Variants in ZFYVE16 observed in about 807,000 individuals in gnomAD.
ZFYVE16 encodes the protein zinc finger FYVE-type containing 16.
A neutral mutation model predicts 138.1 loss-of-function variants in ZFYVE16; 89 were observed. The observed-to-expected ratio is 0.64, with a 90% CI of 0.54 to 0.77. The LOEUF (loss-of-function observed/expected upper bound fraction) is 0.77, where lower values mean the gene tolerates loss of function less well. ZFYVE16 is among the 30% of genes least tolerant of loss of function. The pLI is 0.00. For synonymous variants in ZFYVE16, 596 were observed against 618.3 expected (o/e 0.96, Z 0.53); for missense variants, 1,793 against 1,786.7 (o/e 1.00, Z -0.06).
At chr5:80,431,398 C>A (rs1164083675) in intron 2 of ZFYVE16, among the ~76,000 whole-genome samples, 1 of 152,144 alleles carries the variant, frequency 6.6e-6, no homozygotes, top group Non-Finnish European at 1.5e-5. Flanking sequence ...GCCCTTCATG[C>A]CAAAACCTCT....
chr5:80,443,220 A>C lies in ZFYVE16; in HGVS notation c.2517A>C (p.Gln839His), dbSNP rs767819339. ...CTGTCCAGCCTCCTCAGGAGAACCAAACATCCAGTATACCTTCACCAGCAA... is the reference window on the plus strand; with the variant it reads ...CTGTCCAGCCTCCTCAGGAGAACCACACATCCAGTATACCTTCACCAGCAA... ...CTTVQPPQEN[Q>H]TSSIPSPATL... The change falls in exon 6 of 19, where the codon CAA (glutamine) becomes CAC (histidine). Residue 839 changes from glutamine to histidine, a missense_variant. Physicochemically the swap from Gln to His is conservative, Grantham distance 24. This residue lies in a region of ZFYVE16 where 1,295 missense variants were observed against 1,204.3 expected (regional missense o/e 1.08). Transcript: ENST00000505560. 6.2e-7 allele frequency: 1 copy of C among 1,611,374 alleles called. No individual in the cohort carries two copies. Among genetic ancestry groups the C allele is most frequent in the Non-Finnish European group, 8.5e-7 (1 of 1,179,364 alleles).
upstream of ZFYVE16, among the ~76,000 whole-genome samples, chr5:80,407,744 G>A (rs1407546468): frequency 6.6e-6 from 1 of 152,194 alleles, no homozygotes; most frequent in African/African-American, 2.4e-5. Flanking sequence ...GCTGCCTCTA[G>A]GTTAGCGAAG....
At chr5:80,433,456 A>AGG (rs1352134773) in intron 2 of ZFYVE16, among the ~76,000 whole-genome samples, 1 of 152,164 alleles carries the variant, frequency 6.6e-6, no homozygotes, top group Non-Finnish European at 1.5e-5. Flanking sequence ...GAGATGTGGG[A>AGG]GGGATAGCAT....
At chr5:80,473,937 C>A in intron 17 of ZFYVE16, 78 bp downstream of exon 17, 1 of 1,042,222 alleles carries the variant, frequency 9.6e-7, no homozygotes, top group Non-Finnish European at 1.4e-6. Flanking sequence ...CATACTCAAC[C>A]TCTAAATATT....
intron 5 of ZFYVE16, chr5:80,440,424 A>C (rs1750538338): frequency 2.0e-6 from 2 of 986,672 alleles, no homozygotes; most frequent in Non-Finnish European, 2.4e-6. Context: ...GGGCAAGATA[A>C]TAGTTCACAC....
intron 1 of ZFYVE16, among the ~76,000 whole-genome samples, chr5:80,413,843 A>G (rs1745821106): frequency 6.6e-6 from 1 of 152,134 alleles, no homozygotes; most frequent in African/African-American, 2.4e-5. Flanking sequence ...TCCCCTCCCC[A>G]TTCCCATCCT....
intron 1 of ZFYVE16, among the ~76,000 whole-genome samples, chr5:80,411,011 G>C (rs528601489): frequency 4.2e-4 from 64 of 151,658 alleles, no homozygotes; most frequent in Non-Finnish European, 7.9e-4. Flanking sequence ...TGTGTCGCCA[G>C]GCTGGAGTGC....
At chr5:80,440,382 A>T (rs556704328) in intron 5 of ZFYVE16, 1 of 997,926 alleles carries the variant, frequency 1.0e-6, no homozygotes, top group Non-Finnish European at 1.2e-6. Context: ...ACCTACCAAT[A>T]GTAGTACTCA....
intron 7 of ZFYVE16, 80 bp downstream of exon 7, chr5:80,445,485 C>CT (rs34312342): frequency 0.033 from 32,913 of 988,118 alleles, 180 homozygotes; most frequent in African/African-American, 0.063. Context: ...TATTAGAGTG[C>CT]TTTTTTTTTT....
rs769541600 is a variant in ZFYVE16, at chr5:80,456,533, T to C, written c.3763T>C (p.Cys1255Arg). ...GATTCATATGGAAATGGGAAAAAGC[T>C]GCATAAAAATACCACGGAAAAAGTA... ...LLIHMEMGKS[C>R]IKIPRKKYSD... is the part of the protein sequence containing the mutation. The change falls in exon 13 of 19, where the codon TGC becomes CGC. Residue 1255 changes from cysteine to arginine, a missense_variant. Cys to Arg is a radical substitution (Grantham distance 180, BLOSUM62 -3). This residue lies in a region of ZFYVE16 where 498 missense variants were observed against 582.4 expected (regional missense o/e 0.86). Coordinates refer to ENST00000505560, the MANE Select transcript of ZFYVE16 (RefSeq NM_001284236.3). 3 of 1,612,876 alleles carry C rather than the reference T, an allele frequency of 1.9e-6. No homozygotes were observed. In the South Asian group the frequency reaches 3.3e-5, roughly 18 times the overall value.
chr5:80,423,103 A>G (rs1433793868), intron 1 of ZFYVE16, among the ~76,000 whole-genome samples: 1 of 151,792 alleles, frequency 6.6e-6, no homozygotes, highest in Non-Finnish European at 1.5e-5. Flanking sequence ...AATTGGTATT[A>G]TTTTTTCTTT....
chr5:80,438,574 T>C lies in ZFYVE16; in HGVS notation c.1889T>C (p.Ile630Thr). 1 of 1,614,116 alleles carries C rather than the reference T, an allele frequency of 6.2e-7. No homozygotes were observed. The highest frequency in any genetic ancestry group is 1.3e-5 in the African/African-American group (1 of 75,046). The change falls in exon 4 of 19, where the codon ATT (isoleucine) becomes ACT (threonine). Residue 630 changes from isoleucine to threonine, a missense_variant. By Grantham distance (89) the Ile-to-Thr change is moderately conservative (BLOSUM62 -1). Around this residue, in one of 2 missense-constraint regions of ZFYVE16, gnomAD observed 1,295 missense variants for 1,204.3 expected, o/e 1.08. Transcript: ENST00000505560. ...GGGTTACCTACCAGTAAGTCTGAGATTACAAATCAATTATCGGTCTCTGAT... is the reference window on the plus strand; with the variant it reads ...GGGTTACCTACCAGTAAGTCTGAGACTACAAATCAATTATCGGTCTCTGAT... ...QQGLPTSKSEITNQLSVSDIN... is the reference protein window; with the variant it reads ...QQGLPTSKSETTNQLSVSDIN...
chr5:80,437,339 C>T lies in ZFYVE16; in HGVS notation c.654C>T (p.Ser218=). ...GIKVDTTLSD[S]YNYSGTENLK... ...AAGTAGATACAACACTTTCAGATTCCTATAATTACAGTGGAACAGAAAATT... is the reference window on the plus strand; with the variant it reads ...AAGTAGATACAACACTTTCAGATTCTTATAATTACAGTGGAACAGAAAATT... Residue 218 remains serine, a synonymous_variant, in exon 4 of 19, where the codon TCC becomes TCT. Transcript: ENST00000505560. 4 of 1,601,318 alleles carry T rather than the reference C, an allele frequency of 2.5e-6. No individual in the cohort carries two copies. Among genetic ancestry groups the T allele is most frequent in the Non-Finnish European group, 3.4e-6 (4 of 1,175,678 alleles).
At chr5:80,435,498 A>G (rs944616206) in intron 3 of ZFYVE16, among the ~76,000 whole-genome samples, 1 of 152,196 alleles carries the variant, frequency 6.6e-6, no homozygotes, top group Non-Finnish European at 1.5e-5. Flanking sequence ...AGACTAGGAA[A>G]CTGGAAGTCA....
chr5:80,474,963 A>G, intron 18 of ZFYVE16, 133 bp downstream of exon 18: 2 of 946,900 alleles, frequency 2.1e-6, no homozygotes, highest in East Asian at 5.3e-5. Context: ...CACACTTCAC[A>G]TATATTATCT....
chr5:80,439,917 G>A lies in ZFYVE16; in HGVS notation c.2323-19G>A. On this transcript the variant is annotated intron_variant, in intron 4 of 18. Coordinates refer to ENST00000505560, the MANE Select transcript of ZFYVE16 (RefSeq NM_001284236.3). ...GTATTCTTGAAACAAAGACAAATTT[G>A]ATATTTTATTCTTTATAGGTATTTT... The A allele has an allele frequency of 6.3e-7, 1 of 1,588,210 alleles. No individual in the cohort carries two copies. Among genetic ancestry groups the A allele is most frequent in the Non-Finnish European group, 8.6e-7 (1 of 1,165,126 alleles).
rs1204329267 is a variant in ZFYVE16 at position 80,431,710 on chromosome 5, T to TC, written c.-39-2397dup. Among the ~76,000 whole-genome samples, 7 of 152,280 alleles carry TC rather than the reference T, an allele frequency of 4.6e-5. No homozygotes were observed. The South Asian group carries it at 1.2e-3, about 27-fold the overall frequency. On this transcript the variant is annotated intron_variant, in intron 2 of 18. Transcript: ENST00000505560. ...AACCCCATCGTCTCAGCCCAAAATC[T>TC]CCTTAAGCTGATAAGCAACTTCAGC...
intron 17 of ZFYVE16, 126 bp downstream of exon 17, chr5:80,473,985 A>T (rs1228215235): frequency 1.5e-5 from 10 of 648,078 alleles, no homozygotes. Flanking sequence ...CTACACTTTG[A>T]GACATACGCA....
At chr5:80,448,427 T>G in intron 8 of ZFYVE16, 23 bp downstream of exon 8, 1 of 1,437,844 alleles carries the variant, frequency 7.0e-7, no homozygotes, top group Non-Finnish European at 9.1e-7. Flanking sequence ...TTATTTAAAT[T>G]TAAAAAGATT....
Sources: gnomAD v4.1 joint callset for allele counts (sites outside exome capture counted in the v4.1 genomes callset) on GRCh38, gnomAD v4.1.1 for gene constraint, gnomAD v4.1.1 regional missense constraint, MANE v1.5 for transcripts, NCBI Gene and HGNC (gene_info 2026-07-23, HGNC 2026-07-21) for gene names.